Variants in ATP2B4 observed in about 807,000 individuals in gnomAD.
ATP2B4 encodes the protein plasma membrane calcium-transporting ATPase 4.
ATP2B4 carries 39 observed loss-of-function variants against 110.3 expected under a neutral mutation model. That is an observed-to-expected ratio of 0.35 (90% CI 0.27 to 0.46). ATP2B4 has a LOEUF of 0.46. ATP2B4 is among the 20% of genes least tolerant of loss of function. ATP2B4 has a pLI of 1.00. For missense variants in ATP2B4, 1,135 were observed against 1,530.9 expected (o/e 0.74, Z 4.32); for synonymous variants, 538 against 571.7 (o/e 0.94, Z 0.84).
At chr1:203,737,779 A>G (rs1205387359) in intron 20 of ATP2B4, among the ~76,000 whole-genome samples, 1 of 152,178 alleles carries the variant, frequency 6.6e-6, no homozygotes, top group Non-Finnish European at 1.5e-5. Context: ...AGTGGCAAGG[A>G]GTCCTTTGCC....
In ATP2B4 at chr1:203,652,260, TC is replaced by T. The variant is rs544939256; in HGVS notation, c.-465+25042del. Reference sequence around the variant, plus strand: ...CCCAGGTGCAAGCGATTCTCCTGCCTCAGCCTCCCAAGTAGTTGAAATTCAG... The same window carrying T: ...CCCAGGTGCAAGCGATTCTCCTGCCTAGCCTCCCAAGTAGTTGAAATTCAG... On this transcript the variant is annotated intron_variant, in intron 1 of 20. Coordinates refer to ENST00000357681, the MANE Select transcript of ATP2B4 (RefSeq NM_001684.5). Among the ~76,000 whole-genome samples the T allele has an allele frequency of 2.8e-4, 43 of 151,236 alleles. No individual in the cohort carries two copies. In the East Asian group the frequency reaches 8.6e-3, roughly 30 times the overall value.
At position 203,629,023 on chromosome 1, in the gene ATP2B4, C is replaced by A. The variant is rs1236467344; in HGVS notation, c.-465+1804C>A. 6.6e-6 allele frequency among the ~76,000 whole-genome samples: 1 copy of A among 152,056 alleles called. No homozygotes were observed. The highest frequency in any genetic ancestry group is 1.5e-5 in the Non-Finnish European group (1 of 68,010). On this transcript the variant is annotated intron_variant, in intron 1 of 20. Transcript: ENST00000357681. The surrounding 1 kb of genome is among the most constrained non-coding windows in gnomAD (Gnocchi z 4.6). The stretch of plus-strand genomic sequence containing the variant: ...GAAACACCTGCCTTCAGCCCCAGGG[C>A]TTGGAGGAGTGGTAAAGGCTACAGC...
At chr1:203,697,822 G>A (rs1168740679) in intron 2 of ATP2B4, among the ~76,000 whole-genome samples, 5 of 150,692 alleles carry the variant, frequency 3.3e-5, no homozygotes, top group African/African-American at 7.3e-5. Context: ...TTCCCACTTC[G>A]GCTTCCTGAG....
intron 8 of ATP2B4, among the ~76,000 whole-genome samples, chr1:203,704,406 G>C (rs764852537): frequency 2.0e-5 from 3 of 151,564 alleles, no homozygotes; most frequent in Non-Finnish European, 4.4e-5. Flanking sequence ...GGGGAGAAAG[G>C]GGAGTGGGAA....
intron 1 of ATP2B4, among the ~76,000 whole-genome samples, chr1:203,679,896 A>G (rs1664946669): frequency 6.6e-6 from 1 of 151,210 alleles, no homozygotes; most frequent in Non-Finnish European, 1.5e-5. Context: ...CAAACAAACA[A>G]AAAAAACACA....
At chr1:203,667,643 G>A (rs958801250) in intron 1 of ATP2B4, among the ~76,000 whole-genome samples, 1 of 152,238 alleles carries the variant, frequency 6.6e-6, no homozygotes, top group African/African-American at 2.4e-5. Context: ...ATGATTAACT[G>A]CAGGAGCCCA....
At chr1:203,662,189 A>G (rs983807012) in intron 1 of ATP2B4, among the ~76,000 whole-genome samples, 6 of 151,910 alleles carry the variant, frequency 3.9e-5, no homozygotes, top group African/African-American at 1.5e-4. Flanking sequence ...ACGCCCGACT[A>G]ATTTCTTTTT....
rs186575886 is a variant in ATP2B4 at position 203,736,340 on chromosome 1, C to T, written c.3310-3206C>T. Among the ~76,000 whole-genome samples the T allele has an allele frequency of 1.4e-3, 215 of 152,216 alleles. 4 individuals are homozygous for T. The highest frequency in any genetic ancestry group is 5.0e-3 in the African/African-American group (208 of 41,508). On this transcript the variant is annotated intron_variant, in intron 20 of 20. Transcript: ENST00000357681. Reference sequence around the variant, plus strand: ...AAAAATAGCTGAGTGCGGTGGCGCACGTCTGTAATCCCAGCTACTCTAGAG... The same window carrying T: ...AAAAATAGCTGAGTGCGGTGGCGCATGTCTGTAATCCCAGCTACTCTAGAG...
intron 1 of ATP2B4, among the ~76,000 whole-genome samples, chr1:203,673,199 G>C (rs1449793077): frequency 2.6e-5 from 4 of 152,186 alleles, no homozygotes; most frequent in Admixed American, 1.3e-4. Flanking sequence ...GAACTTGTTA[G>C]GAGTGCACCT....
At chr1:203,662,591 T>C (rs1664373350) in intron 1 of ATP2B4, among the ~76,000 whole-genome samples, 1 of 152,236 alleles carries the variant, frequency 6.6e-6, no homozygotes, top group Non-Finnish European at 1.5e-5. Context: ...ACTGGCTTAT[T>C]TCACTTAGCA....
intron 20 of ATP2B4, 95 bp downstream of exon 20, chr1:203,727,666 T>G: frequency 2.0e-5 from 30 of 1,478,964 alleles, no homozygotes; most frequent in Non-Finnish European, 2.7e-5. Flanking sequence ...CCAGCATCTC[T>G]TCCCTTCCAA....
intron 1 of ATP2B4, among the ~76,000 whole-genome samples, chr1:203,638,472 G>T (rs1663527786): frequency 6.6e-6 from 1 of 152,194 alleles, no homozygotes; most frequent in Non-Finnish European, 1.5e-5. Flanking sequence ...TCCATTCCAG[G>T]AGCTTTCTGA....
intron 2 of ATP2B4, among the ~76,000 whole-genome samples, chr1:203,696,138 G>T (rs1665526732): frequency 6.6e-6 from 1 of 152,070 alleles, no homozygotes; most frequent in African/African-American, 2.4e-5. Flanking sequence ...TGTTGGCCAG[G>T]CTGGTTTCAA....
chr1:203,721,543 C>A, intron 17 of ATP2B4, 133 bp downstream of exon 17: 1 of 842,552 alleles, frequency 1.2e-6, no homozygotes, highest in Non-Finnish European at 1.9e-6. Flanking sequence ...GCTGTGCTCC[C>A]GCTACACGGT....
In ATP2B4 at chr1:203,657,658, G is replaced by A. The variant is rs76917792; in HGVS notation, c.-464-25084G>A. 1.5e-3 allele frequency: 1,165 copies of A among 803,358 alleles called. 9 individuals carry two copies. In the African/African-American group the frequency reaches 0.017, roughly 12 times the overall value. The allele number at this position is 803,358 out of a possible 1,614,324, so 49.8% of individuals were successfully genotyped here. On this transcript the variant is annotated intron_variant, in intron 1 of 20. Transcript: ENST00000357681. ...TTCTTTGAACGTTCATGAGCCTCTC[G>A]TTCATAAGCCTCTCAGCTTTCCTTC... is the stretch of plus-strand genomic sequence containing the variant.
In ATP2B4 at chr1:203,657,149, T is replaced by C. The variant is rs2102326606; in HGVS notation, c.-464-25593T>C. The C allele has an allele frequency of 7.2e-6, 6 of 829,910 alleles. No homozygotes were observed. The East Asian group carries it at 1.5e-4, about 20-fold the overall frequency. The allele number at this position is 829,910 out of a possible 1,614,324, so 51.4% of individuals were successfully genotyped here. A position where few individuals can be genotyped will look rare whatever the true frequency, so the allele number is the denominator to read the frequency against. On this transcript the variant is annotated intron_variant, in intron 1 of 20. Coordinates refer to ENST00000357681, the MANE Select transcript of ATP2B4 (RefSeq NM_001684.5). ...GTATACGGTGGGGATGAGGGATTCT[T>C]CTTTACACCAAGTATTGGTGGGCAA... is the stretch of plus-strand genomic sequence containing the variant.
At chr1:203,729,777 G>A (rs1296439875) in intron 20 of ATP2B4, 35 of 1,329,536 alleles carry the variant, frequency 2.6e-5, no homozygotes, top group East Asian at 1.5e-4. Flanking sequence ...ATTGGAGTCC[G>A]GGCACTGCCT....
chr1:203,647,026 C>G (rs1016065984), intron 1 of ATP2B4, among the ~76,000 whole-genome samples: 1 of 151,824 alleles, frequency 6.6e-6, no homozygotes, highest in Non-Finnish European at 1.5e-5. Flanking sequence ...AATACTAGAT[C>G]ATGAGCATTT....
chr1:203,709,554 C>G lies in ATP2B4; in HGVS notation c.1799+12C>G, dbSNP rs570331623. The G allele has an allele frequency of 5.3e-5, 86 of 1,613,824 alleles. No individual in the cohort carries two copies. The highest frequency in any genetic ancestry group is 6.9e-5 in the Non-Finnish European group (82 of 1,179,894). ...ATCATCTTGCGCAAGTGAGCACCCC[C>G]GACCACTCTGCTTCCCTTCAAGATC... On this transcript the variant is annotated intron_variant, in intron 11 of 20. Coordinates refer to ENST00000357681, the MANE Select transcript of ATP2B4 (RefSeq NM_001684.5).
Sources: gnomAD v4.1 joint callset for allele counts (sites outside exome capture counted in the v4.1 genomes callset) on GRCh38, gnomAD v4.1.1 for gene constraint, Gnocchi (gnomAD v3.1) non-coding constraint, MANE v1.5 for transcripts, NCBI Gene and HGNC (gene_info 2026-07-23, HGNC 2026-07-21) for gene names.